Variants in INO80B observed in about 807,000 individuals in gnomAD.
The protein encoded by INO80B is IES2 homolog.
Under a neutral mutation model 31.4 loss-of-function variants are expected in INO80B, and 18 were observed. That is an observed-to-expected ratio of 0.57 (90% CI 0.40 to 0.85). The LOEUF (loss-of-function observed/expected upper bound fraction) is 0.85. Ranked by LOEUF, INO80B falls within the 40% of genes least tolerant of loss-of-function variation. INO80B has a pLI of 0.00. For missense variants in INO80B, 469 were observed against 475.4 expected (o/e 0.99, Z 0.13); for synonymous variants, 238 against 199.0 (o/e 1.20, Z -1.65).
In INO80B at chr2:74,457,890, C is replaced by T. The variant is rs749078493; in HGVS notation, c.*26C>T. The stretch of plus-strand genomic sequence containing the variant: ...GGCCCTTAACCCGGACTCTGCGCCC[C>T]GTCCCATGCCCGCTCTTGAGTATCT... On this transcript the variant is annotated 3_prime_UTR_variant, in exon 5 of 5. Coordinates refer to ENST00000233331, the MANE Select transcript of INO80B (RefSeq NM_031288.4). 1.3e-6 allele frequency: 2 copies of T among 1,500,536 alleles called. No individual in the cohort carries two copies. The highest frequency in any genetic ancestry group is 1.8e-6 in the Non-Finnish European group (2 of 1,131,212). 93.0% of individuals were successfully genotyped at this position (1,500,536 alleles called of 1,614,324 possible).
chr2:74,456,340 C>T (rs369331619), intron 4 of INO80B, 68 bp downstream of exon 4: 1 of 1,538,204 alleles, frequency 6.5e-7, no homozygotes, highest in Non-Finnish European at 9.0e-7. Context: ...ACGACCCACG[C>T]ACTTTGCGTG....
chr2:74,456,678 A>G (rs900764535), intron 4 of INO80B, among the ~76,000 whole-genome samples: 3 of 152,368 alleles, frequency 2.0e-5, no homozygotes, highest in African/African-American at 4.8e-5. Context: ...AAAAGTGGAC[A>G]AGCCACTGAA....
Position 74,457,643 on chromosome 2 carries a change from C to T in INO80B, c.850C>T (p.Leu284Phe), listed in dbSNP as rs1397110573. 1 of 1,598,696 alleles carries T rather than the reference C, an allele frequency of 6.3e-7. No individual in the cohort carries two copies. The highest frequency in any genetic ancestry group is 8.5e-7 in the Non-Finnish European group (1 of 1,178,236). Residue 284 changes from leucine to phenylalanine, a missense_variant, in exon 5 of 5, where the codon CTT becomes TTT. Transcript: ENST00000233331. Reference protein sequence around the residue: ...RYCSGAQGSTLSFPPGVPAPT... With the variant: ...RYCSGAQGSTFSFPPGVPAPT... ...CTGCAGCGGAGCACAGGGTTCCACC[C>T]TTTCCTTCCCACCTGGCGTCCCCGC...
At chr2:74,457,243 T>A (rs1054684528) in intron 4 of INO80B, 91 bp from the exon 5 acceptor site, 2 of 1,366,430 alleles carry the variant, frequency 1.5e-6, no homozygotes, top group African/African-American at 1.5e-5. Flanking sequence ...CTGCCTTCCA[T>A]GTCCCTTCTT....
intron 4 of INO80B, among the ~76,000 whole-genome samples, chr2:74,456,479 CAAAA>C (rs1671704861): frequency 6.6e-6 from 1 of 151,984 alleles, no homozygotes; most frequent in Admixed American, 6.6e-5. Flanking sequence ...TGGTTTATGA[CAAAA>C]AGAAAAGGGT....
Position 74,455,313 on chromosome 2 carries a change from C to T in INO80B, c.59-93C>T, listed in dbSNP as rs370683195. On this transcript the variant is annotated intron_variant, in intron 1 of 4. Transcript: ENST00000233331. ...GTTGTTATGGTAACAGCGAGTACTG[C>T]GGGAAGGGTGGGATCCAGTAGGGGC... 2.3e-4 allele frequency: 354 copies of T among 1,544,472 alleles called. 4 individuals carry two copies. The South Asian group carries it at 3.5e-3, about 15-fold the overall frequency.
rs1200202340 is a variant in INO80B at position 74,457,444 on chromosome 2, G to A, written c.651G>A (p.Glu217=). ...ALTEEMLLKR[E]ERARKRRLQA... ...CAGAGGAGATGCTGCTGAAGCGCGAGGAGCGGGCGCGGAAGCGGCGGCTCC... is the reference window on the plus strand; with the variant it reads ...CAGAGGAGATGCTGCTGAAGCGCGAAGAGCGGGCGCGGAAGCGGCGGCTCC... Residue 217 remains glutamate, a synonymous_variant, in exon 5 of 5, where the codon GAG becomes GAA. Coordinates refer to ENST00000233331, the MANE Select transcript of INO80B (RefSeq NM_031288.4). 7 of 1,580,682 alleles carry A rather than the reference G, an allele frequency of 4.4e-6. No individual in the cohort carries two copies. The highest frequency in any genetic ancestry group is 2.3e-5 in the East Asian group (1 of 42,728).
intron 4 of INO80B, 144 bp downstream of exon 4, chr2:74,456,416 G>A (rs1671703208): frequency 4.1e-6 from 3 of 735,856 alleles, no homozygotes; most frequent in East Asian, 5.6e-5. Context: ...GTATTCTAGT[G>A]TGTGTGTTGG....
At position 74,457,673 on chromosome 2, in the gene INO80B, A is replaced by G; in HGVS notation, c.880A>G (p.Thr294Ala). The change falls in exon 5 of 5, where the codon ACG becomes GCG. Residue 294 changes from threonine (T) to alanine (A), a missense_variant. By Grantham distance (58) the Thr-to-Ala change is moderately conservative. This residue lies in a region of INO80B where 201 missense variants were observed against 151.7 expected (regional missense o/e 1.32). Transcript: ENST00000233331. ...LSFPPGVPAP[T>A]AVSQRPSPSG... is the part of the protein sequence containing the mutation. ...CTTCCCACCTGGCGTCCCCGCCCCC[A>G]CGGCAGTGTCTCAGCGGCCATCCCC... is the stretch of plus-strand genomic sequence containing the variant. 4.4e-6 allele frequency: 7 copies of G among 1,599,740 alleles called. No individual in the cohort carries two copies. The highest frequency in any genetic ancestry group is 5.9e-6 in the Non-Finnish European group (7 of 1,178,778).
chr2:74,455,720 C>T, intron 2 of INO80B, 98 bp from the exon 3 acceptor site: 1 of 1,393,136 alleles, frequency 7.2e-7, no homozygotes, highest in South Asian at 1.3e-5. Context: ...CAGATTTAGG[C>T]AGCAAGAGTC....
intron 2 of INO80B, 86 bp from the exon 3 acceptor site, chr2:74,455,731 TA>T: frequency 7.1e-7 from 1 of 1,407,916 alleles, no homozygotes; most frequent in Non-Finnish European, 9.9e-7. Context: ...AGCAAGAGTC[TA>T]AGAGGGTGGG....
chr2:74,457,391 G>C lies in INO80B; in HGVS notation c.598G>C (p.Ala200Pro). The C allele has an allele frequency of 6.2e-7, 1 of 1,607,448 alleles. No individual in the cohort carries two copies. The highest frequency in any genetic ancestry group is 8.5e-7 in the Non-Finnish European group (1 of 1,177,298). ...TTCCCCTATGCTGCCGCTGCCTGTAGCTGAGGGCTGCCCACCTCCCGCCCT... is the reference window on the plus strand; with the variant it reads ...TTCCCCTATGCTGCCGCTGCCTGTACCTGAGGGCTGCCCACCTCCCGCCCT... ...QPSPMLPLPV[A>P]EGCPPPALTE... The change falls in exon 5 of 5, where the codon GCT becomes CCT. Residue 200 changes from alanine to proline, a missense_variant. Physicochemically the swap from Ala to Pro is conservative, Grantham distance 27. Transcript: ENST00000233331.
chr2:74,457,268 C>T, intron 4 of INO80B, 66 bp from the exon 5 acceptor site: 2 of 1,514,460 alleles, frequency 1.3e-6, no homozygotes, highest in East Asian at 2.5e-5. Context: ...CTCCCCCGAT[C>T]TGGCCGACCT....
Position 74,455,148 on chromosome 2 carries a change from C to T in INO80B, c.32C>T (p.Ser11Phe), listed in dbSNP as rs1000432692. The T allele has an allele frequency of 3.1e-6, 5 of 1,614,240 alleles. No individual in the cohort carries two copies. The highest frequency in any genetic ancestry group is 3.4e-6 in the Non-Finnish European group (4 of 1,180,044). ...AAGCTGTGGCGGCGTGGGAGCACCT[C>T]TGGGGCTATGGAGGCCCCTGAGCCG... The part of the protein sequence containing the change: MSKLWRRGST[S>F]GAMEAPEPGE... The change falls in exon 1 of 5, where the codon TCT becomes TTT. Residue 11 changes from serine to phenylalanine, a missense_variant. By Grantham distance (155) the Ser-to-Phe change is radical. Transcript: ENST00000233331.
chr2:74,456,143 A>G lies in INO80B; in HGVS notation c.411A>G (p.Leu137=). 6.2e-7 allele frequency: 1 copy of G among 1,610,600 alleles called. No homozygotes were observed. Among genetic ancestry groups the G allele is most frequent in the South Asian group, 1.1e-5 (1 of 90,594 alleles). The change falls in exon 4 of 5, where the codon CTA becomes CTG. Residue 137 remains leucine (L), a synonymous_variant. Transcript: ENST00000233331. ...TCTCTCCCTCTCCACTTCGGGACCT[A>G]TCAGGAGGGTTAGGGGGTCAGGAGG... The part of the protein sequence containing the change: ...SNLSPSPLRD[L]SGGLGGQEEE...
rs1197916239 is a variant in INO80B at position 74,457,535 on chromosome 2, A to C, written c.742A>C (p.Thr248Pro). The change falls in exon 5 of 5, where the codon ACC becomes CCC. Residue 248 changes from threonine to proline, a missense_variant. Transcript: ENST00000233331. ...TIERLTKTAATSGRGGRGGAR... is the reference protein window; with the variant it reads ...TIERLTKTAAPSGRGGRGGAR... ...CGAGCGCCTCACCAAGACTGCGGCG[A>C]CCAGTGGGCGGGGAGGCCGGGGGGG... The C allele has an allele frequency of 6.6e-7, 1 of 1,524,734 alleles. No homozygotes were observed. Among genetic ancestry groups the C allele is most frequent in the South Asian group, 1.2e-5 (1 of 82,484 alleles). 94.5% of individuals were successfully genotyped at this position (1,524,734 alleles called of 1,614,324 possible). A position where few individuals can be genotyped will look rare whatever the true frequency, so the allele number is the denominator to read the frequency against.
intron 2 of INO80B, 108 bp downstream of exon 2, chr2:74,455,706 G>T: frequency 1.4e-6 from 2 of 1,405,098 alleles, no homozygotes; most frequent in Non-Finnish European, 2.0e-6. Context: ...GTGACTTCAG[G>T]GTCCAGATTT....
chr2:74,455,803 G>T lies in INO80B; in HGVS notation c.252-15G>T. ...ACGCTTGCTCATTTTAAAGAGTAGT[G>T]TTGCTTCTCTGCAGTGTTCCTACCT... On this transcript the variant is annotated splice_polypyrimidine_tract_variant and intron_variant, in intron 2 of 4. Coordinates refer to ENST00000233331, the MANE Select transcript of INO80B (RefSeq NM_031288.4). The T allele has an allele frequency of 6.5e-7, 1 of 1,550,350 alleles. No homozygotes were observed. The highest frequency in any genetic ancestry group is 1.1e-5 in the South Asian group (1 of 89,720).
At chr2:74,457,258 C>A in intron 4 of INO80B, 76 bp from the exon 5 acceptor site, 1 of 1,472,046 alleles carries the variant, frequency 6.8e-7, no homozygotes, top group East Asian at 2.5e-5. Flanking sequence ...CTTCTTTCCC[C>A]TCCCCCGATC....
Sources: allele counts gnomAD v4.1 joint callset (sites outside exome capture counted in the v4.1 genomes callset), GRCh38; gene constraint gnomAD v4.1.1; regional missense constraint gnomAD v4.1.1; transcripts MANE v1.5; gene names NCBI Gene and HGNC (gene_info 2026-07-23, HGNC 2026-07-21).